The following WWTR1 variants were observed in gnomAD, a reference collection of about 807,000 sequenced individuals.
The protein encoded by WWTR1 is WW domain-containing transcription regulator protein 1.
WWTR1 carries 13 observed loss-of-function variants against 40.1 expected under a neutral mutation model. The ratio of observed to expected loss-of-function variants is 0.32; its 90% CI spans 0.21 to 0.52. WWTR1 has a LOEUF of 0.52. Among genes scored for constraint, WWTR1 ranks in the 20% least tolerant of loss-of-function variants. WWTR1 has a pLI of 0.97. For missense variants in WWTR1, 436 were observed against 523.1 expected, an observed-to-expected ratio of 0.83 and a Z score of 1.63; for synonymous variants, 230 against 210.1, an observed-to-expected ratio of 1.09 and a Z score of -0.82.
intron 4 of WWTR1, among the ~76,000 whole-genome samples, chr3:149,539,097 G>A (rs1422053687): frequency 6.6e-6 from 1 of 152,146 alleles, no homozygotes; most frequent in East Asian, 1.9e-4. Flanking sequence ...GTTAATAGGT[G>A]ACCCTTTGGC....
chr3:149,572,813 C>T (rs549846144), intron 3 of WWTR1, 51 bp downstream of exon 3: 1 of 1,588,388 alleles, frequency 6.3e-7, no homozygotes, highest in Admixed American at 1.7e-5. Flanking sequence ...GAGACCCCAA[C>T]TCTACAAAAA....
chr3:149,686,188 TG>T (rs1714638709), intron 1 of WWTR1, among the ~76,000 whole-genome samples: 1 of 152,206 alleles, frequency 6.6e-6, no homozygotes, highest in South Asian at 2.1e-4. Context: ...ATGACATAAA[TG>T]ACTCCAGTTT....
At chr3:149,658,528 TGCGC>T (rs1274561261), upstream of WWTR1, 15 of 152,246 alleles carry the variant, frequency 9.9e-5, no homozygotes, top group African/African-American at 3.4e-4. Flanking sequence ...CCGGCCCGGG[TGCGC>T]CCCGGCGCGG....
chr3:149,565,379 A>T (rs1390246217), intron 3 of WWTR1, among the ~76,000 whole-genome samples: 1 of 151,808 alleles, frequency 6.6e-6, no homozygotes, highest in East Asian at 1.9e-4. Context: ...CAAAGAAGAA[A>T]TTTTCTACCT....
intron 4 of WWTR1, chr3:149,540,906 G>C: frequency 2.6e-6 from 1 of 381,404 alleles, no homozygotes; most frequent in South Asian, 2.0e-5. Flanking sequence ...ACACAATATA[G>C]ATTTCTTATA....
At chr3:149,706,737 A>G (rs1715344364), upstream of WWTR1, among the ~76,000 whole-genome samples, 2 of 152,236 alleles carry the variant, frequency 1.3e-5, no homozygotes, top group Admixed American at 1.3e-4. Context: ...ATTATTATAA[A>G]GTAAAACACT....
intron 2 of WWTR1, chr3:149,575,891 C>T (rs1040499793): frequency 1.1e-5 from 5 of 443,280 alleles, no homozygotes; most frequent in African/African-American, 2.0e-5. Context: ...CAGTTCTGAC[C>T]GAGCTTACCC....
chr3:149,583,531 T>C (rs540211849), intron 2 of WWTR1, among the ~76,000 whole-genome samples: 6 of 152,242 alleles, frequency 3.9e-5, no homozygotes, highest in African/African-American at 1.2e-4. Context: ...AAATGTGGAG[T>C]GTGGTAAAAA....
At chr3:149,611,281 G>T (rs1013178263) in intron 2 of WWTR1, among the ~76,000 whole-genome samples, 7 of 152,158 alleles carry the variant, frequency 4.6e-5, no homozygotes, top group Non-Finnish European at 1.0e-4. Context: ...CATGCCAGGG[G>T]TCAGCTAACT....
chr3:149,697,977 T>A (rs1049150076), intron 1 of WWTR1, among the ~76,000 whole-genome samples: 2 of 152,212 alleles, frequency 1.3e-5, no homozygotes, highest in African/African-American at 4.8e-5. Flanking sequence ...AAGTCCTGCA[T>A]CCTGATGTGA....
chr3:149,669,218 A>G (rs1713969547), intron 2 of WWTR1, among the ~76,000 whole-genome samples: 1 of 152,262 alleles, frequency 6.6e-6, no homozygotes, highest in Non-Finnish European at 1.5e-5. Context: ...CACATATACA[A>G]TATACCCCCA....
At chr3:149,549,847 A>T (rs937244174) in intron 3 of WWTR1, among the ~76,000 whole-genome samples, 1 of 152,118 alleles carries the variant, frequency 6.6e-6, no homozygotes, top group African/African-American at 2.4e-5. Flanking sequence ...TCAAAAAAAC[A>T]AAAAACAAAA....
At chr3:149,628,366 C>G (rs1434729911) in intron 2 of WWTR1, among the ~76,000 whole-genome samples, 1 of 152,248 alleles carries the variant, frequency 6.6e-6, no homozygotes, top group African/African-American at 2.4e-5. Context: ...GAGACTCCGT[C>G]TCAAAACAAA....
chr3:149,643,527 A>G (rs1189596354), intron 2 of WWTR1, among the ~76,000 whole-genome samples: 2 of 152,178 alleles, frequency 1.3e-5, no homozygotes, highest in African/African-American at 2.4e-5. Context: ...TTCGGACCCC[A>G]TTTTAATAGG....
chr3:149,571,289 A>G (rs2107994968), intron 3 of WWTR1, among the ~76,000 whole-genome samples: 1 of 143,422 alleles, frequency 7.0e-6, no homozygotes, highest in East Asian at 2.1e-4. Context: ...TTACAAAGTT[A>G]AAGTTAAAAC....
chr3:149,700,402 G>A (rs1036129004), intron 1 of WWTR1, among the ~76,000 whole-genome samples: 2 of 152,120 alleles, frequency 1.3e-5, no homozygotes, highest in African/African-American at 2.4e-5. Flanking sequence ...GCCTAGCATG[G>A]TACCATTATA....
intron 4 of WWTR1, among the ~76,000 whole-genome samples, chr3:149,537,528 C>T (rs4681525): frequency 0.63 from 95,435 of 152,092 alleles, 31,134 homozygotes; most frequent in South Asian, 0.75. Flanking sequence ...TTATACATTC[C>T]GTACCATAAA....
In WWTR1 at chr3:149,657,320, A is replaced by G. The variant is rs1713303443; in HGVS notation, c.-3-11T>C. The G allele has an allele frequency of 2.5e-6, 4 of 1,603,964 alleles. No homozygotes were observed. In the South Asian group the frequency reaches 3.4e-5, roughly 13 times the overall value. ...GGCCGGATTCATCTTCTGCAAAAAG[A>G]AGGTCAGATCAGCCTTTTATTTAAA... On this transcript the variant is annotated splice_polypyrimidine_tract_variant and intron_variant, in intron 1 of 6. Transcript: ENST00000360632.
chr3:149,580,013 A>G (rs1423345654), intron 2 of WWTR1, among the ~76,000 whole-genome samples: 1 of 152,240 alleles, frequency 6.6e-6, no homozygotes, highest in Non-Finnish European at 1.5e-5. Context: ...ATCCTGTACC[A>G]GATGGCAAGG....
Sources: gnomAD v4.1 joint callset for allele counts (sites outside exome capture counted in the v4.1 genomes callset) on GRCh38, gnomAD v4.1.1 for gene constraint, MANE v1.5 for transcripts, NCBI Gene and HGNC (gene_info 2026-07-23, HGNC 2026-07-21) for gene names.